The following RNH1 variants were observed in gnomAD, a reference collection of about 807,000 sequenced individuals.
RNH1 encodes the protein ribonuclease inhibitor.
RNH1 carries 38 observed loss-of-function variants against 46.1 expected under a neutral mutation model. The observed-to-expected ratio is 0.82, with a 90% CI of 0.64 to 1.08. RNH1 has a LOEUF of 1.08. Ranked by LOEUF, RNH1 falls within the 50% of genes least tolerant of loss-of-function variation. The probability of loss-of-function intolerance (pLI) is 0.00; values close to 1 mark genes in which losing one functional copy is unlikely to be tolerated. For missense variants in RNH1, 577 were observed against 590.7 expected (o/e 0.98, Z 0.24); for synonymous variants, 319 against 279.1 (o/e 1.14, Z -1.43).
In RNH1 at chr11:498,778, CTGGAGCTGGGG is replaced by C. The variant is rs1478622048; in HGVS notation, c.759_769del (p.His253GlnfsTer43). On this transcript the variant is annotated frameshift_variant, in exon 7 of 11. Transcript: ENST00000354420. LOFTEE classifies it high-confidence loss of function. ...GATGACTCACCACAGGGTCCTGAGCCTGGAGCTGGGGTGGAGCAGCCCTGGGCACAGCTCCG... is the reference window on the plus strand; with the variant it reads ...GATGACTCACCACAGGGTCCTGAGCCTGGAGCAGCCCTGGGCACAGCTCCG... The C allele has an allele frequency of 1.2e-6, 2 of 1,602,716 alleles. No homozygotes were observed. Among genetic ancestry groups the C allele is most frequent in the Non-Finnish European group, 1.7e-6 (2 of 1,178,046 alleles).
rs766896184 is a variant in RNH1, at chr11:498,752, A to C, written c.785+11T>G. 4.4e-6 allele frequency: 7 copies of C among 1,593,638 alleles called. No individual in the cohort carries two copies. The highest frequency in any genetic ancestry group is 3.4e-5 in the Admixed American group (2 of 59,348). On this transcript the variant is annotated intron_variant, in intron 7 of 10. Transcript: ENST00000354420. ...ACCCTCCGGGAAGGAGGCCTCGCGG[A>C]GATGACTCACCACAGGGTCCTGAGC...
intron 5 of RNH1, 147 bp from the exon 6 acceptor site, chr11:499,332 T>A: frequency 1.2e-6 from 1 of 824,918 alleles, no homozygotes; most frequent in Non-Finnish European, 1.9e-6. Flanking sequence ...CCCCACAGAC[T>A]CATCCAGAGG....
chr11:504,411 C>G (rs61876357), intron 2 of RNH1: 14,955 of 153,616 alleles, frequency 0.097, 1,008 homozygotes, highest in Admixed American at 0.19. Flanking sequence ...GCGCCCGCTC[C>G]GCCCGGGACG....
chr11:500,731 G>A (rs1214284072), intron 3 of RNH1, 77 bp from the exon 4 acceptor site: 1 of 1,507,770 alleles, frequency 6.6e-7, no homozygotes, highest in Non-Finnish European at 9.1e-7. Flanking sequence ...CCACGTGCAG[G>A]TTACAACCTA....
At chr11:499,329 G>C (rs1276195879) in intron 5 of RNH1, 144 bp from the exon 6 acceptor site, 2 of 847,434 alleles carry the variant, frequency 2.4e-6, no homozygotes, top group Non-Finnish European at 3.7e-6. Flanking sequence ...GACCCCCACA[G>C]ACTCATCCAG....
chr11:499,624 A>G, intron 5 of RNH1: 3 of 740,414 alleles, frequency 4.1e-6, no homozygotes, highest in Non-Finnish European at 7.1e-6. Flanking sequence ...GAGGGTGATG[A>G]CAGATCCCCC....
chr11:497,489 TCACA>T (rs1215164777), intron 9 of RNH1, among the ~76,000 whole-genome samples: 1 of 108,196 alleles, frequency 9.2e-6, no homozygotes, highest in Admixed American at 1.1e-4. Context: ...GTGCTCACAC[TCACA>T]CGGACACTCG....
At chr11:495,283 T>C (rs61876339) in intron 9 of RNH1, among the ~76,000 whole-genome samples, 15,938 of 152,094 alleles carry the variant, frequency 0.1, 1,072 homozygotes, top group Admixed American at 0.19. Context: ...TCGCCTGAGA[T>C]CTTCTGCAGG....
rs774556629 is a variant in RNH1 at position 497,952 on chromosome 11, G to T, written c.1127+19C>A. ...TATGATCTCCCAAATGTGCATACTC[G>T]TGTCCCTCACACACTCACCAGAGCA... On this transcript the variant is annotated intron_variant, in intron 9 of 10. Transcript: ENST00000354420. 2 of 1,607,278 alleles carry T rather than the reference G, an allele frequency of 1.2e-6. No homozygotes were observed. The highest frequency in any genetic ancestry group is 2.2e-5 in the East Asian group (1 of 44,850).
intron 9 of RNH1, 124 bp downstream of exon 9, chr11:497,847 C>CA: frequency 8.3e-7 from 1 of 1,203,452 alleles, no homozygotes; most frequent in Admixed American, 2.2e-5. Context: ...TCGCCTCACC[C>CA]ATGTGTGCTC....
At chr11:500,343 C>A in intron 4 of RNH1, 141 bp downstream of exon 4, 1 of 1,031,578 alleles carries the variant, frequency 9.7e-7, no homozygotes, top group Non-Finnish European at 1.4e-6. Flanking sequence ...GCCTGTGTGC[C>A]TCTGGCTGAT....
Position 500,558 on chromosome 11 carries a change from G to A in RNH1, c.198C>T (p.Asn66=), listed in dbSNP as rs368615770. 70 of 1,610,828 alleles carry A rather than the reference G, an allele frequency of 4.3e-5. No individual in the cohort carries two copies. Among genetic ancestry groups the A allele is most frequent in the Middle Eastern group, 1.6e-4 (1 of 6,066 alleles). Residue 66 remains asparagine, a synonymous_variant, in exon 4 of 11, where the codon AAC becomes AAT. Transcript: ENST00000354420. ...AATGCACGCCGACATCGCCCAGCTC[G>A]TTGCTGCGCAGGTTGAGCTCTGCCA... ...PALAELNLRS[N]ELGDVGVHCV... is the part of the protein sequence containing the mutation.
rs1175482678 is a variant in RNH1 at position 494,609 on chromosome 11, G to A, written c.*82C>T. On this transcript the variant is annotated 3_prime_UTR_variant, in exon 11 of 11. Transcript: ENST00000354420. ...TTTCTCTTCAAACCTAGGATATGCA[G>A]GGTGAGAGCATGGCAGGGGCTGGTG... 1.9e-5 allele frequency: 22 copies of A among 1,180,326 alleles called. No homozygotes were observed. The highest frequency in any genetic ancestry group is 4.7e-5 in the East Asian group (2 of 42,846). 73.1% of individuals were successfully genotyped at this position (1,180,326 alleles called of 1,614,324 possible). A position where few individuals can be genotyped will look rare whatever the true frequency, so the allele number is the denominator to read the frequency against.
intron 9 of RNH1, among the ~76,000 whole-genome samples, chr11:497,595 TCA>T (rs754079095): frequency 1.5e-5 from 2 of 129,176 alleles, no homozygotes; most frequent in Non-Finnish European, 3.2e-5. Context: ...GCCCATGTGC[TCA>T]CACACTGACC....
rs141875798 is a variant in RNH1 at position 496,542 on chromosome 11, G to A, written c.1127+1429C>T. On this transcript the variant is annotated intron_variant, in intron 9 of 10. Transcript: ENST00000354420. ...AAATTAGCCTGGTGTGGTGACGGGC[G>A]CCTGTGGTCCCAGCTACTCGGGAGG... 2.3e-3 allele frequency among the ~76,000 whole-genome samples: 346 copies of A among 152,284 alleles called. 8 individuals are homozygous for A. In the East Asian group the frequency reaches 0.056, roughly 25 times the overall value.
Position 497,974 on chromosome 11 carries a change from A to G in RNH1, c.1124T>C (p.Leu375Pro). ...CTCGTGTCCCTCACACACTCACCAG[A>G]GCACCCGCAGCACAGAGCCAGGCTG... ...LGQPGSVLRV[L>P]WLADCDVSDS... The change falls in exon 9 of 11, where the codon CTC becomes CCC. Residue 375 changes from leucine to proline, a missense_variant. Physicochemically the swap from Leu to Pro is moderately conservative, Grantham distance 98. Transcript: ENST00000354420. 6.2e-7 allele frequency: 1 copy of G among 1,612,964 alleles called. No homozygotes were observed. The highest frequency in any genetic ancestry group is 8.5e-7 in the Non-Finnish European group (1 of 1,179,480).
chr11:506,659 G>A (rs1474126830), intron 1 of RNH1: 2 of 152,334 alleles, frequency 1.3e-5, no homozygotes, highest in African/African-American at 4.8e-5. Context: ...CTCCGCCAGG[G>A]CGCTCCTTCC....
intron 2 of RNH1, chr11:503,107 G>A (rs891951611): frequency 1.5e-4 from 23 of 151,454 alleles, no homozygotes; most frequent in African/African-American, 5.3e-4. Flanking sequence ...AACCTGGAGA[G>A]GAGGCTTGGA....
At chr11:499,364 G>A in intron 5 of RNH1, 179 bp from the exon 6 acceptor site, 1 of 689,904 alleles carries the variant, frequency 1.4e-6, no homozygotes, top group Non-Finnish European at 2.5e-6. Flanking sequence ...GTGGACACCG[G>A]CATTCCTTCT....
Sources: gnomAD v4.1 joint callset for allele counts (sites outside exome capture counted in the v4.1 genomes callset) on GRCh38, gnomAD v4.1.1 for gene constraint, MANE v1.5 for transcripts, NCBI Gene and HGNC (gene_info 2026-07-23, HGNC 2026-07-21) for gene names.